AFF1: variants seen among roughly 807,000 people sequenced by gnomAD.
The protein encoded by AFF1 is ALF transcription elongation factor 1.
A neutral mutation model predicts 121.7 loss-of-function variants in AFF1; 48 were observed. The observed-to-expected ratio is 0.39, with a 90% CI of 0.31 to 0.50. AFF1 has a LOEUF of 0.50. Ranked by LOEUF, AFF1 falls within the 20% of genes least tolerant of loss-of-function variation. AFF1 has a pLI of 0.76. For synonymous variants in AFF1, 613 were observed against 563.0 expected (o/e 1.09, Z -1.26); for missense variants, 1,523 against 1,511.7 (o/e 1.01, Z -0.12).
intron 2 of AFF1, among the ~76,000 whole-genome samples, chr4:86,981,878 A>G (rs890559536): frequency 6.6e-6 from 1 of 152,254 alleles, no homozygotes; most frequent in Non-Finnish European, 1.5e-5. Context: ...GGTCACTAAC[A>G]TCTGCTCTTC....
intron 2 of AFF1, among the ~76,000 whole-genome samples, chr4:87,009,518 C>T (rs1023739517): frequency 2.0e-5 from 3 of 152,218 alleles, no homozygotes; most frequent in Non-Finnish European, 4.4e-5. Context: ...TCTACCCCAC[C>T]TTCCGACATG....
intron 2 of AFF1, among the ~76,000 whole-genome samples, chr4:87,039,965 G>A (rs1410951915): frequency 1.3e-5 from 2 of 151,956 alleles, no homozygotes; most frequent in Non-Finnish European, 2.9e-5. Flanking sequence ...GCAGTGGCGC[G>A]ATCTCGGCTC....
chr4:87,089,782 T>C (rs1360619022), intron 5 of AFF1, among the ~76,000 whole-genome samples: 1 of 152,252 alleles, frequency 6.6e-6, no homozygotes, highest in Non-Finnish European at 1.5e-5. Flanking sequence ...TGGCGTTTTT[T>C]AGTTTTTTAT....
chr4:86,969,734 G>A (rs1270254330), intron 2 of AFF1, among the ~76,000 whole-genome samples: 3 of 151,624 alleles, frequency 2.0e-5, no homozygotes, highest in African/African-American at 7.3e-5. Flanking sequence ...CAAAAAATGA[G>A]CTGGGCGCCG....
At chr4:87,112,925 A>AGT (rs1398629743) in intron 11 of AFF1, among the ~76,000 whole-genome samples, 3 of 152,178 alleles carry the variant, frequency 2.0e-5, no homozygotes, top group Non-Finnish European at 4.4e-5. Flanking sequence ...ACTCTGTTAG[A>AGT]CACTAATATT....
At chr4:87,097,195 AT>A (rs1299565554) in intron 8 of AFF1, among the ~76,000 whole-genome samples, 4 of 152,222 alleles carry the variant, frequency 2.6e-5, no homozygotes, top group African/African-American at 9.6e-5. Flanking sequence ...AAGCCTGGGT[AT>A]CCCAACTGAC....
At chr4:87,023,505 C>A (rs1243646355) in intron 2 of AFF1, among the ~76,000 whole-genome samples, 2 of 152,168 alleles carry the variant, frequency 1.3e-5, no homozygotes, top group African/African-American at 4.8e-5. Flanking sequence ...TTTAATTCAA[C>A]AATGACTTTT....
chr4:87,051,672 G>T (rs933381390), intron 4 of AFF1, among the ~76,000 whole-genome samples: 3 of 151,992 alleles, frequency 2.0e-5, no homozygotes, highest in African/African-American at 7.3e-5. Context: ...GTTTCACCAT[G>T]TTGGCCAGGA....
intron 12 of AFF1, among the ~76,000 whole-genome samples, chr4:87,123,529 G>C (rs548011931): frequency 6.6e-6 from 1 of 152,232 alleles, no homozygotes; most frequent in Admixed American, 6.5e-5. Context: ...ATTAAAAACA[G>C]GTATCTTTGT....
intron 2 of AFF1, among the ~76,000 whole-genome samples, chr4:86,964,767 T>C (rs1191738761): frequency 6.6e-6 from 1 of 152,220 alleles, no homozygotes; most frequent in Non-Finnish European, 1.5e-5. Context: ...TCCTCTATCA[T>C]AGCTTACTAT....
Position 87,115,243 on chromosome 4 carries a change from C to T in AFF1, c.2410C>T (p.His804Tyr), listed in dbSNP as rs375547829. ...EDKQPPAGKK[H>Y]SSEKRSSDSS... is the part of the protein sequence containing the mutation. ...TAAACAGCCGCCCGCAGGGAAGAAG[C>T]ACAGCTCTGAGAAGAGGAGCTCAGA... The change falls in exon 12 of 21, where the codon CAC (histidine) becomes TAC (tyrosine). Residue 804 changes from histidine to tyrosine, a missense_variant. Transcript: ENST00000395146. 7.4e-6 allele frequency: 12 copies of T among 1,613,894 alleles called. No individual in the cohort carries two copies. In the African/African-American group the frequency reaches 8.0e-5, roughly 11 times the overall value.
At chr4:87,115,996 A>G (rs1204432696) in intron 12 of AFF1, among the ~76,000 whole-genome samples, 1 of 152,136 alleles carries the variant, frequency 6.6e-6, no homozygotes, top group Non-Finnish European at 1.5e-5. Flanking sequence ...TCTGATCTGA[A>G]TTGAAATGTT....
intron 2 of AFF1, among the ~76,000 whole-genome samples, chr4:86,960,387 C>T (rs1336814885): frequency 1.3e-5 from 2 of 152,092 alleles, no homozygotes; most frequent in Non-Finnish European, 2.9e-5. Context: ...GAGTGCTGCT[C>T]CTCTCAGGAG....
In AFF1 at chr4:86,983,880, A is replaced by G. The variant is rs544243372; in HGVS notation, c.38+35309A>G. ...GTGAAACCCCGTCTCTACTAAAAAT[A>G]CAAAAAATTAGCCAGGCGTGATGGT... On this transcript the variant is annotated intron_variant, in intron 2 of 20. Coordinates refer to ENST00000395146, the MANE Select transcript of AFF1 (RefSeq NM_001166693.3). 1.6e-4 allele frequency among the ~76,000 whole-genome samples: 25 copies of G among 152,062 alleles called. No individual in the cohort carries two copies. The South Asian group carries it at 5.0e-3, about 30-fold the overall frequency.
chr4:86,958,837 C>T (rs1682816654), intron 2 of AFF1, among the ~76,000 whole-genome samples: 1 of 152,306 alleles, frequency 6.6e-6, no homozygotes, highest in African/African-American at 2.4e-5. Context: ...GCAGCATTTA[C>T]TCTATTTACT....
intron 2 of AFF1, among the ~76,000 whole-genome samples, chr4:86,964,127 G>GT (rs1722358996): frequency 1.4e-5 from 2 of 140,990 alleles, no homozygotes; most frequent in Admixed American, 7.2e-5. Flanking sequence ...TTGTTCTTTT[G>GT]GTTTTTTTTT....
chr4:87,046,506 T>G (rs968424123), intron 3 of AFF1, among the ~76,000 whole-genome samples, 189 bp from the exon 4 acceptor site: 4 of 152,248 alleles, frequency 2.6e-5, no homozygotes, highest in Admixed American at 6.5e-5. Context: ...AATGCTAGTC[T>G]TCTACAGTTA....
intron 10 of AFF1, among the ~76,000 whole-genome samples, chr4:87,107,850 G>T (rs1186406682): frequency 1.3e-5 from 2 of 152,192 alleles, no homozygotes; most frequent in Non-Finnish European, 2.9e-5. Flanking sequence ...GCCAGCCTAG[G>T]CAATGGTTTA....
rs1343694399 is a variant in AFF1, at chr4:87,047,300, C to T, written c.765C>T (p.Asp255=). The T allele has an allele frequency of 1.2e-6, 2 of 1,614,146 alleles. No individual in the cohort carries two copies. The highest frequency in any genetic ancestry group is 2.7e-5 in the African/African-American group (2 of 75,022). The change falls in exon 4 of 21, where the codon GAC becomes GAT. Residue 255 remains aspartate, a synonymous_variant. Transcript: ENST00000395146. ...KGYCPAKSPK[D]LAVKVHDKET... Reference sequence around the variant, plus strand: ...ATTGCCCAGCCAAATCTCCCAAGGACCTAGCAGTGAAAGTCCATGATAAAG... The same window carrying T: ...ATTGCCCAGCCAAATCTCCCAAGGATCTAGCAGTGAAAGTCCATGATAAAG...
Sources: allele counts gnomAD v4.1 joint callset (sites outside exome capture counted in the v4.1 genomes callset), GRCh38; gene constraint gnomAD v4.1.1; transcripts MANE v1.5; gene names NCBI Gene and HGNC (gene_info 2026-07-23, HGNC 2026-07-21).